The following STAT4 variants were observed in gnomAD, a reference collection of about 807,000 sequenced individuals.
STAT4 encodes the protein signal transducer and activator of transcription 4.
In STAT4, 42 loss-of-function variants were observed where a neutral mutation model predicts 110.5. The observed-to-expected ratio is 0.38, with a 90% CI of 0.30 to 0.49. STAT4 has a LOEUF of 0.49. STAT4 is among the 20% of genes least tolerant of loss of function. STAT4 has a pLI of 0.95. For synonymous variants in STAT4, 284 were observed against 302.2 expected (o/e 0.94, Z 0.63); for missense variants, 632 against 887.9 (o/e 0.71, Z 3.66).
chr2:191,054,661 A>ATGAGTTTGAAAAT, intron 13 of STAT4, 127 bp from the exon 14 acceptor site: 1 of 732,190 alleles, frequency 1.4e-6, no homozygotes, highest in Non-Finnish European at 2.2e-6. Context: ...CATATTTTCA[A>ATGAGTTTGAAAAT]ACTCATTGAA....
chr2:191,091,081 G>C lies in STAT4; in HGVS notation c.274-14756C>G, dbSNP rs967058782. Among the ~76,000 whole-genome samples the C allele has an allele frequency of 1.1e-4, 17 of 152,272 alleles. No individual in the cohort carries two copies. The highest frequency in any genetic ancestry group is 2.2e-4 in the Non-Finnish European group (15 of 68,022). ...TAACCTTTACTCTGTGATAAGAACA[G>C]ATATCTCGTCATCATTAGAAAGTGT... is the stretch of plus-strand genomic sequence containing the variant. On this transcript the variant is annotated intron_variant, in intron 3 of 23. Coordinates refer to ENST00000392320, the MANE Select transcript of STAT4 (RefSeq NM_003151.4). This position sits in a 1 kb window ranked among gnomAD's most constrained non-coding sequence, Gnocchi z 5.4.
chr2:191,067,133 A>G (rs1275847433), intron 6 of STAT4, among the ~76,000 whole-genome samples: 1 of 151,376 alleles, frequency 6.6e-6, no homozygotes, highest in African/African-American at 2.4e-5. Context: ...TTAGAAAAAT[A>G]TCTGACTGAA....
Position 191,050,115 on chromosome 2 carries a change from T to G in STAT4, c.1251+4375A>C, listed in dbSNP as rs1696478284. Among the ~76,000 whole-genome samples, 1 of 152,212 alleles carries G rather than the reference T, an allele frequency of 6.6e-6. No individual in the cohort carries two copies. On this transcript the variant is annotated intron_variant, in intron 14 of 23. Transcript: ENST00000392320. This position sits in a 1 kb window ranked among gnomAD's most constrained non-coding sequence, Gnocchi z 4.3. ...TAAACAAAATTACCTAACACCTCAGTCTGTGGCTAAAACTGTCATTTATCA... is the reference window on the plus strand; with the variant it reads ...TAAACAAAATTACCTAACACCTCAGGCTGTGGCTAAAACTGTCATTTATCA...
In STAT4 at chr2:191,142,082, A is replaced by G. The variant is rs1227718165; in HGVS notation, c.273+4531T>C. 2.0e-5 allele frequency among the ~76,000 whole-genome samples: 3 copies of G among 152,172 alleles called. No individual in the cohort carries two copies. Among genetic ancestry groups the G allele is most frequent in the Admixed American group, 6.5e-5 (1 of 15,276 alleles). On this transcript the variant is annotated intron_variant, in intron 3 of 23. Transcript: ENST00000392320. The surrounding 1 kb of genome is among the most constrained non-coding windows in gnomAD (Gnocchi z 4.1). Reference sequence around the variant, plus strand: ...ATCCCACTACTAGGTATTTATCCAAAGGAAAAAAAATTAGAATATAAAAGA... The same window carrying G: ...ATCCCACTACTAGGTATTTATCCAAGGGAAAAAAAATTAGAATATAAAAGA...
chr2:191,119,521 A>T (rs1476368222), intron 3 of STAT4, among the ~76,000 whole-genome samples: 1 of 152,216 alleles, frequency 6.6e-6, no homozygotes, highest in Non-Finnish European at 1.5e-5. Context: ...GCTAAGAGAA[A>T]TTGAAGACCT....
intron 3 of STAT4, among the ~76,000 whole-genome samples, chr2:191,120,777 A>G (rs1374514163): frequency 6.6e-6 from 1 of 152,234 alleles, no homozygotes; most frequent in African/African-American, 2.4e-5. Context: ...AATTAATTCA[A>G]GATGGATTAC....
intron 3 of STAT4, among the ~76,000 whole-genome samples, chr2:191,120,724 G>A (rs1304045394): frequency 6.6e-6 from 1 of 152,194 alleles, no homozygotes. Context: ...CTAGCCATAT[G>A]TAGAAAGCGG....
In STAT4 at chr2:191,032,789, G is replaced by T. The variant is rs1056339620; in HGVS notation, c.2044+169C>A. On this transcript the variant is annotated intron_variant, in intron 21 of 23. Coordinates refer to ENST00000392320, the MANE Select transcript of STAT4 (RefSeq NM_003151.4). The surrounding 1 kb of genome is among the most constrained non-coding windows in gnomAD (Gnocchi z 4.9). ...AGAAAGCCCAGCGGTCCCTTTTCAG[G>T]AACTGCTGACATACCACTTCATTTC... 1 of 667,492 alleles carries T rather than the reference G, an allele frequency of 1.5e-6. No homozygotes were observed. The allele number at this position is 667,492 out of a possible 1,614,324, so 41.3% of individuals were successfully genotyped here. A position where few individuals can be genotyped will look rare whatever the true frequency, so the allele number is the denominator to read the frequency against.
At chr2:191,089,154 G>A (rs1697719428) in intron 3 of STAT4, among the ~76,000 whole-genome samples, 1 of 152,044 alleles carries the variant, frequency 6.6e-6, no homozygotes, top group African/African-American at 2.4e-5. Context: ...GGCTAGGAGA[G>A]AATATTGGCA....
intron 3 of STAT4, among the ~76,000 whole-genome samples, chr2:191,095,580 A>G (rs1046750925): frequency 6.6e-6 from 1 of 152,250 alleles, no homozygotes; most frequent in African/African-American, 2.4e-5. Flanking sequence ...ACAAAGACAC[A>G]ACATACCAGA....
chr2:191,151,323 G>C, upstream of STAT4: 6 of 985,612 alleles, frequency 6.1e-6, no homozygotes, highest in Non-Finnish European at 7.2e-6. The surrounding 1 kb of genome is among the most constrained non-coding windows in gnomAD (Gnocchi z 4.7). Flanking sequence ...ATCCTCTGCA[G>C]AGTTACTTAC....
intron 3 of STAT4, among the ~76,000 whole-genome samples, chr2:191,079,414 G>C (rs1697402815): frequency 6.6e-6 from 1 of 151,716 alleles, no homozygotes; most frequent in South Asian, 2.1e-4. Flanking sequence ...GTTTATTTCT[G>C]TAGATGGTAT....
chr2:191,121,670 G>A (rs1240512563), intron 3 of STAT4, among the ~76,000 whole-genome samples: 2 of 150,888 alleles, frequency 1.3e-5, no homozygotes, highest in African/African-American at 2.4e-5. Context: ...TTATCGCAAG[G>A]ACAAAAAACC....
rs1696993533 is a variant in STAT4, at chr2:191,066,606, GGA to G, written c.545-93_545-92del. 2 of 1,186,350 alleles carry G rather than the reference GGA, an allele frequency of 1.7e-6. No individual in the cohort carries two copies. The highest frequency in any genetic ancestry group is 2.4e-6 in the Non-Finnish European group (2 of 824,740). 73.5% of individuals were successfully genotyped at this position (1,186,350 alleles called of 1,614,324 possible). ...CACCATCCTAAAACAGCCCTGGCCC[GGA>G]GAACTTATGTGGTAAGAGACTAATT... On this transcript the variant is annotated intron_variant, in intron 6 of 23. Coordinates refer to ENST00000392320, the MANE Select transcript of STAT4 (RefSeq NM_003151.4). The surrounding 1 kb of genome is among the most constrained non-coding windows in gnomAD (Gnocchi z 4.3).
In STAT4 at chr2:191,039,158, T is replaced by G; in HGVS notation, c.1434+41A>C. On this transcript the variant is annotated intron_variant, in intron 16 of 23. Coordinates refer to ENST00000392320, the MANE Select transcript of STAT4 (RefSeq NM_003151.4). The surrounding 1 kb of genome is among the most constrained non-coding windows in gnomAD (Gnocchi z 4.7). ...ATGTGTTTGTTGGCAATAAAACAAA[T>G]CGAATAGCATTAAAGAAGTTGAGGT... is the stretch of plus-strand genomic sequence containing the variant. 1 of 1,571,944 alleles carries G rather than the reference T, an allele frequency of 6.4e-7. No homozygotes were observed. The highest frequency in any genetic ancestry group is 1.1e-5 in the South Asian group (1 of 90,196).
rs1696881016 is a variant in STAT4 at position 191,062,625 on chromosome 2, T to C, written c.941+137A>G. 2 of 868,752 alleles carry C rather than the reference T, an allele frequency of 2.3e-6. No homozygotes were observed. The highest frequency in any genetic ancestry group is 3.5e-6 in the Non-Finnish European group (2 of 573,240). The allele number at this position is 868,752 out of a possible 1,614,324, so 53.8% of individuals were successfully genotyped here. On this transcript the variant is annotated intron_variant, in intron 9 of 23. Transcript: ENST00000392320. This position sits in a 1 kb window ranked among gnomAD's most constrained non-coding sequence, Gnocchi z 4.9. ...AGTAGAAATGTGGTTTCTAAAACTT[T>C]CTGGGGTTCTATTCACTTCTCCCTG...
rs1197951052 is a variant in STAT4, at chr2:191,082,023, T to C, written c.274-5698A>G. 1.3e-5 allele frequency among the ~76,000 whole-genome samples: 2 copies of C among 152,232 alleles called. No homozygotes were observed. Among genetic ancestry groups the C allele is most frequent in the African/African-American group, 4.8e-5 (2 of 41,456 alleles). On this transcript the variant is annotated intron_variant, in intron 3 of 23. Coordinates refer to ENST00000392320, the MANE Select transcript of STAT4 (RefSeq NM_003151.4). This position sits in a 1 kb window ranked among gnomAD's most constrained non-coding sequence, Gnocchi z 4.7. ...ATGATAATACTGTGCAATGCATGAATCATTCACTCCAGGGTCTTATTGTGC... is the reference window on the plus strand; with the variant it reads ...ATGATAATACTGTGCAATGCATGAACCATTCACTCCAGGGTCTTATTGTGC...
At position 191,054,517 on chromosome 2, in the gene STAT4, C is replaced by A; in HGVS notation, c.1224G>T (p.Lys408Asn). 1 of 1,612,484 alleles carries A rather than the reference C, an allele frequency of 6.2e-7. No homozygotes were observed. Among genetic ancestry groups the A allele is most frequent in the East Asian group, 2.2e-5 (1 of 44,788 alleles). ...CATTTCCTTTACCTCCAGCACTGGACTTCATTTCCTTTGGTTGCTTTGTAA... is the reference window on the plus strand; with the variant it reads ...CATTTCCTTTACCTCCAGCACTGGAATTCATTTCCTTTGGTTGCTTTGTAA... ...EFRHLQPKEM[K>N]SSAGGKGNEG... Residue 408 changes from lysine to asparagine, a missense_variant, in exon 14 of 24, where the codon AAG (lysine) becomes AAT (asparagine). Transcript: ENST00000392320.
rs965578452 is a variant in STAT4, at chr2:191,140,828, G to A, written c.273+5785C>T. 6.6e-6 allele frequency among the ~76,000 whole-genome samples: 1 copy of A among 152,142 alleles called. No homozygotes were observed. Among genetic ancestry groups the A allele is most frequent in the Non-Finnish European group, 1.5e-5 (1 of 68,026 alleles). On this transcript the variant is annotated intron_variant, in intron 3 of 23. Transcript: ENST00000392320. This position sits in a 1 kb window ranked among gnomAD's most constrained non-coding sequence, Gnocchi z 4.4. ...TACAATTCACAATTGCAAAGATAAG[G>A]AACCAACCTAAGTGTCCATCAACCA...
Sources: gnomAD v4.1 joint callset for allele counts (sites outside exome capture counted in the v4.1 genomes callset) on GRCh38, gnomAD v4.1.1 for gene constraint, Gnocchi (gnomAD v3.1) non-coding constraint, MANE v1.5 for transcripts, NCBI Gene and HGNC (gene_info 2026-07-23, HGNC 2026-07-21) for gene names.